Variants in MYO16 observed in about 807,000 individuals in gnomAD.
MYO16 encodes unconventional myosin-XVI.
A neutral mutation model predicts 205.3 loss-of-function variants in MYO16; 94 were observed. That is an observed-to-expected ratio of 0.46 (90% confidence interval 0.39 to 0.54). The LOEUF (loss-of-function observed/expected upper bound fraction) is 0.54, where lower values mean the gene tolerates loss of function less well. Ranked by LOEUF, MYO16 falls within the 20% of genes least tolerant of loss-of-function variation. The pLI is 0.00. For missense variants in MYO16, 2,315 were observed against 2,387.5 expected, an observed-to-expected ratio of 0.97 and a Z score of 0.63; for synonymous variants, 988 against 954.0, an observed-to-expected ratio of 1.04 and a Z score of -0.66.
chr13:108,635,736 G>C (rs1002202591), intron 1 of MYO16, among the ~76,000 whole-genome samples: 6 of 152,058 alleles, frequency 3.9e-5, no homozygotes, highest in African/African-American at 1.4e-4. Context: ...CTGACCTCAG[G>C]GGATCCACCC....
rs114123271 is a variant in MYO16 at position 109,171,578 on chromosome 13, C to T, written c.5323+6519C>T. The stretch of plus-strand genomic sequence containing the variant: ...ATTGCCATCCTTTTACTGATGCGAG[C>T]GCAGACTTGGATCTTTTTTTTGTAT... On this transcript the variant is annotated intron_variant, in intron 33 of 34. Transcript: ENST00000457511. 3.8e-3 allele frequency among the ~76,000 whole-genome samples: 582 copies of T among 152,232 alleles called. 3 individuals are homozygous for T. Among genetic ancestry groups the T allele is most frequent in the African/African-American group, 0.011 (470 of 41,512 alleles).
intron 20 of MYO16, among the ~76,000 whole-genome samples, chr13:108,984,652 T>G (rs1884565862): frequency 2.0e-5 from 3 of 152,338 alleles, no homozygotes; most frequent in South Asian, 4.1e-4. Flanking sequence ...CCCATGTACT[T>G]GGGTTTCGTG....
At chr13:109,152,351 A>G (rs1434429993) in intron 32 of MYO16, among the ~76,000 whole-genome samples, 2 of 152,200 alleles carry the variant, frequency 1.3e-5, no homozygotes, top group African/African-American at 4.8e-5. Flanking sequence ...TTTGCACCAC[A>G]TAAACATTAG....
chr13:109,003,449 C>T (rs1230346855), intron 21 of MYO16, among the ~76,000 whole-genome samples: 5 of 152,128 alleles, frequency 3.3e-5, no homozygotes, highest in African/African-American at 7.2e-5. Context: ...CCAGCAGAGA[C>T]GCTGTAGGTT....
chr13:108,933,943 A>G (rs1882371622), intron 16 of MYO16, among the ~76,000 whole-genome samples: 1 of 151,986 alleles, frequency 6.6e-6, no homozygotes, highest in Admixed American at 6.6e-5. Context: ...ATTCTTTTTT[A>G]TGGCTGTGTA....
At chr13:108,546,024 C>T in the MYO16 span, among the ~76,000 whole-genome samples, 1 of 152,166 alleles carries the variant, frequency 6.6e-6, no homozygotes, top group Non-Finnish European at 1.5e-5. Flanking sequence ...GGGTCAGTGA[C>T]CTTTGGCCAT....
intron 1 of MYO16, among the ~76,000 whole-genome samples, chr13:108,645,082 G>T (rs909162516): frequency 2.0e-5 from 3 of 152,194 alleles, no homozygotes; most frequent in African/African-American, 4.8e-5. Context: ...ACAAGAGGCA[G>T]TGGCCATGAC....
chr13:108,602,743 C>A (rs527486583), intron 1 of MYO16, among the ~76,000 whole-genome samples: 4 of 152,204 alleles, frequency 2.6e-5, no homozygotes, highest in African/African-American at 9.6e-5. Flanking sequence ...GAAAATAGTT[C>A]CATATTTGTA....
chr13:109,128,805 C>T (rs1204955958), intron 31 of MYO16, among the ~76,000 whole-genome samples: 4 of 128,094 alleles, frequency 3.1e-5, no homozygotes, highest in Non-Finnish European at 4.8e-5. Flanking sequence ...GACTTTCACT[C>T]TTGTTGCTTA....
rs538259440 is a variant in MYO16 at position 109,061,653 on chromosome 13, G to C, written c.3335+6058G>C. Among the ~76,000 whole-genome samples, 12 of 152,262 alleles carry C rather than the reference G, an allele frequency of 7.9e-5. No homozygotes were observed. The South Asian group carries it at 2.5e-3, about 32-fold the overall frequency. ...GTGGCACGCCAAAACAATTATAATAGTCACAGCAATGATTGCTGACCACAG... is the reference window on the plus strand; with the variant it reads ...GTGGCACGCCAAAACAATTATAATACTCACAGCAATGATTGCTGACCACAG... On this transcript the variant is annotated intron_variant, in intron 27 of 34. Transcript: ENST00000457511.
intron 2 of MYO16, among the ~76,000 whole-genome samples, chr13:108,701,330 T>C (rs1301610008): frequency 2.0e-5 from 3 of 152,112 alleles, no homozygotes; most frequent in African/African-American, 7.2e-5. Context: ...GTAATAGTAA[T>C]AAGAGGTGAT....
chr13:109,111,915 T>G (rs1416587535), intron 28 of MYO16, among the ~76,000 whole-genome samples: 1 of 152,140 alleles, frequency 6.6e-6, no homozygotes, highest in African/African-American at 2.4e-5. Flanking sequence ...CTCAATCTCC[T>G]GACCTCATGA....
intron 23 of MYO16, among the ~76,000 whole-genome samples, chr13:109,034,315 C>A (rs768223961): frequency 4.6e-5 from 7 of 152,110 alleles, no homozygotes; most frequent in Non-Finnish European, 8.8e-5. Flanking sequence ...CTCCATAATC[C>A]CCAAAGGAGA....
rs1188076955 is a variant in MYO16 at position 108,682,084 on chromosome 13, A to C, written c.292+15935A>C. 2.6e-5 allele frequency among the ~76,000 whole-genome samples: 4 copies of C among 152,332 alleles called. No individual in the cohort carries two copies. The East Asian group carries it at 7.7e-4, about 29-fold the overall frequency. ...CCCCCACCACGCTCCAATTTGAGTTAGATTCTAGTGGTTTTCAACTTCACA... is the reference window on the plus strand; with the variant it reads ...CCCCCACCACGCTCCAATTTGAGTTCGATTCTAGTGGTTTTCAACTTCACA... On this transcript the variant is annotated intron_variant, in intron 2 of 34. Transcript: ENST00000457511.
intron 15 of MYO16, among the ~76,000 whole-genome samples, chr13:108,907,898 C>G (rs1881067565): frequency 6.6e-6 from 1 of 152,008 alleles, no homozygotes; most frequent in South Asian, 2.1e-4. Context: ...ATTCATTCTC[C>G]CTTCTCATCT....
rs542578068 is a variant in MYO16, at chr13:108,888,474, A to G, written c.1656A>G (p.Lys552=). The part of the protein sequence containing the change: ...ASRATLDSRF[K]HVVCILEAFG... ...GGGCCACACTGGATTCCAGATTCAA[A>G]CATGTAAGTTTTTTGTTTGGGTTGG... Residue 552 remains lysine, a synonymous_variant, in exon 14 of 35, where the codon AAA becomes AAG. Coordinates refer to ENST00000457511, the MANE Select transcript of MYO16 (RefSeq NM_001198950.3). 118 of 1,590,828 alleles carry G rather than the reference A, an allele frequency of 7.4e-5. No individual in the cohort carries two copies. The South Asian group carries it at 1.2e-3, about 17-fold the overall frequency.
intron 23 of MYO16, among the ~76,000 whole-genome samples, chr13:109,031,453 G>T (rs1470324079): frequency 6.6e-6 from 1 of 152,120 alleles, no homozygotes; most frequent in East Asian, 1.9e-4. Flanking sequence ...AGTTAAATGT[G>T]ATTACTTTGA....
At chr13:109,081,705 G>C (rs928824910) in intron 27 of MYO16, among the ~76,000 whole-genome samples, 1 of 152,138 alleles carries the variant, frequency 6.6e-6, no homozygotes, top group Non-Finnish European at 1.5e-5. Flanking sequence ...AGCATCTTAA[G>C]GTGTACAGGA....
intron 10 of MYO16, 25 bp downstream of exon 10, chr13:108,844,518 T>C (rs1273634999): frequency 6.4e-7 from 1 of 1,557,846 alleles, no homozygotes; most frequent in Non-Finnish European, 8.7e-7. Flanking sequence ...ACTGTGTGTC[T>C]ACCAGTACTT....
Sources: gnomAD v4.1 joint callset for allele counts (sites outside exome capture counted in the v4.1 genomes callset) on GRCh38, gnomAD v4.1.1 for gene constraint, MANE v1.5 for transcripts, NCBI Gene and HGNC (gene_info 2026-07-23, HGNC 2026-07-21) for gene names.